The following NEGR1 variants were observed in gnomAD, a reference collection of about 807,000 sequenced individuals.
NEGR1 encodes neuronal growth regulator 1.
NEGR1 carries 10 observed loss-of-function variants against 40.9 expected under a neutral mutation model. That is an observed-to-expected ratio of 0.24 (90% CI 0.15 to 0.42). The LOEUF is 0.42. Ranked by LOEUF, NEGR1 falls within the 10% of genes least tolerant of loss-of-function variation. The pLI is 1.00. For synonymous variants in NEGR1, 185 were observed against 166.8 expected (o/e 1.11, Z -0.84); for missense variants, 352 against 438.9 (o/e 0.80, Z 1.77).
At chr1:72,070,918 T>G (rs1438614971) in intron 1 of NEGR1, among the ~76,000 whole-genome samples, 1 of 152,084 alleles carries the variant, frequency 6.6e-6, no homozygotes, top group South Asian at 2.1e-4. Flanking sequence ...TTAGAATGTT[T>G]TTTTCATTTT....
intron 1 of NEGR1, among the ~76,000 whole-genome samples, chr1:72,039,819 A>G (rs1410081528): frequency 6.6e-6 from 1 of 152,018 alleles, no homozygotes; most frequent in Non-Finnish European, 1.5e-5. Flanking sequence ...TTTCATGATC[A>G]GAGGGGTCTA....
intron 1 of NEGR1, among the ~76,000 whole-genome samples, chr1:72,129,156 A>G (rs1339071772): frequency 2.6e-5 from 4 of 152,142 alleles, no homozygotes. Context: ...TCCTTATAAT[A>G]AAGGTATTTA....
At chr1:71,578,855 A>C (rs528825032) in intron 6 of NEGR1, among the ~76,000 whole-genome samples, 14 of 152,318 alleles carry the variant, frequency 9.2e-5, no homozygotes, top group Non-Finnish European at 1.3e-4. Context: ...CTATTTCTTT[A>C]AGAAAAAATT....
chr1:71,581,119 G>A (rs1649121038), intron 6 of NEGR1, among the ~76,000 whole-genome samples: 3 of 152,184 alleles, frequency 2.0e-5, no homozygotes, highest in Non-Finnish European at 2.9e-5. Context: ...GCATCCCTGT[G>A]TCTGTATTGT....
At chr1:71,912,878 A>T (rs1661458839) in intron 2 of NEGR1, among the ~76,000 whole-genome samples, 2 of 152,112 alleles carry the variant, frequency 1.3e-5, no homozygotes, top group South Asian at 4.1e-4. Context: ...TCCTATTTGA[A>T]CATTTTCATG....
chr1:71,880,013 AT>A (rs915378510), intron 2 of NEGR1, among the ~76,000 whole-genome samples: 1 of 152,132 alleles, frequency 6.6e-6, no homozygotes, highest in African/African-American at 2.4e-5. Flanking sequence ...TAACCTTAGT[AT>A]TTCTTGTCAT....
intron 5 of NEGR1, among the ~76,000 whole-genome samples, chr1:71,607,705 A>G (rs146968899): frequency 2.0e-5 from 3 of 151,770 alleles, no homozygotes; most frequent in South Asian, 2.1e-4. Flanking sequence ...TTCATTTTTT[A>G]TTTTGTTGAG....
intron 1 of NEGR1, among the ~76,000 whole-genome samples, chr1:72,011,242 G>A (rs936478568): frequency 6.6e-6 from 1 of 151,998 alleles, no homozygotes; most frequent in African/African-American, 2.4e-5. Flanking sequence ...GGATATTAGT[G>A]GGCTCAGCAT....
chr1:72,088,132 C>A (rs1648298255), intron 1 of NEGR1, among the ~76,000 whole-genome samples: 1 of 152,100 alleles, frequency 6.6e-6, no homozygotes, highest in Admixed American at 6.6e-5. Flanking sequence ...TCTTTGATGG[C>A]TAATTAAATT....
At chr1:71,954,823 T>A (rs1028031910) in intron 1 of NEGR1, among the ~76,000 whole-genome samples, 1 of 152,152 alleles carries the variant, frequency 6.6e-6, no homozygotes, top group African/African-American at 2.4e-5. Context: ...TACTGCAGTC[T>A]TGTGGCTGTC....
Position 71,818,425 on chromosome 1 carries a change from G to T in NEGR1, c.410-42128C>A, listed in dbSNP as rs2169098. On this transcript the variant is annotated intron_variant, in intron 2 of 6. Coordinates refer to ENST00000357731, the MANE Select transcript of NEGR1 (RefSeq NM_173808.3). ...CCATTATCTAACTAAGCAAACTAATGCAGGAACAGAAAACCAAATACCACA... is the reference window on the plus strand; with the variant it reads ...CCATTATCTAACTAAGCAAACTAATTCAGGAACAGAAAACCAAATACCACA... Among the ~76,000 whole-genome samples the T allele has an allele frequency of 6.4e-3, 974 of 151,982 alleles. 10 individuals are homozygous for T. The highest frequency in any genetic ancestry group is 0.022 in the African/African-American group (918 of 41,490).
At chr1:71,539,650 G>T (rs868459967) in intron 6 of NEGR1, among the ~76,000 whole-genome samples, 1 of 151,608 alleles carries the variant, frequency 6.6e-6, no homozygotes, top group Non-Finnish European at 1.5e-5. Flanking sequence ...TTCATTTGAA[G>T]AAAAAGTCCA....
chr1:71,509,442 C>A (rs1466989696), intron 6 of NEGR1, among the ~76,000 whole-genome samples: 2 of 152,202 alleles, frequency 1.3e-5, no homozygotes, highest in African/African-American at 4.8e-5. Context: ...ATCCGACATG[C>A]CACTGGTGAG....
chr1:71,589,015 C>T (rs935689410), intron 6 of NEGR1, among the ~76,000 whole-genome samples: 4 of 152,032 alleles, frequency 2.6e-5, no homozygotes, highest in African/African-American at 9.7e-5. Flanking sequence ...AATTTATTAT[C>T]CATGTCTCTA....
Position 71,922,188 on chromosome 1 carries a change from G to T in NEGR1, c.409+12891C>A, listed in dbSNP as rs147255332. On this transcript the variant is annotated intron_variant, in intron 2 of 6. Coordinates refer to ENST00000357731, the MANE Select transcript of NEGR1 (RefSeq NM_173808.3). ...GATGGGCTGTCCAGCTGAACCTGGA[G>T]CCAAGGAAATAAAAGGCTTTGGAGG... Among the ~76,000 whole-genome samples, 4 of 152,314 alleles carry T rather than the reference G, an allele frequency of 2.6e-5. No homozygotes were observed. In the East Asian group the frequency reaches 7.7e-4, roughly 29 times the overall value.
At chr1:71,777,000 G>A (rs978516583) in intron 2 of NEGR1, among the ~76,000 whole-genome samples, 3 of 152,078 alleles carry the variant, frequency 2.0e-5, no homozygotes, top group African/African-American at 7.2e-5. Context: ...AAGAGTCAAG[G>A]GGGATATATT....
At chr1:72,225,339 G>A (rs1403124377) in intron 1 of NEGR1, among the ~76,000 whole-genome samples, 3 of 150,880 alleles carry the variant, frequency 2.0e-5, no homozygotes, top group South Asian at 2.1e-4. Context: ...GTAAGATCAT[G>A]GTATATCTTT....
intron 3 of NEGR1, among the ~76,000 whole-genome samples, chr1:71,714,729 G>T (rs1261160988): frequency 6.6e-6 from 1 of 152,218 alleles, no homozygotes; most frequent in East Asian, 1.9e-4. Context: ...TAATGCAAAT[G>T]AGAAGCTCCC....
In NEGR1 at chr1:71,613,418, G is replaced by A. The variant is rs570883063; in HGVS notation, c.668-2272C>T. 8.6e-5 allele frequency among the ~76,000 whole-genome samples: 13 copies of A among 152,008 alleles called. 1 individual carries two copies. The East Asian group carries it at 2.3e-3, about 27-fold the overall frequency. ...TCCCAGCACTTTGGGAGGCCGAGGCGGGTGGATCACCTGAGGTCAGGAGTT... is the reference window on the plus strand; with the variant it reads ...TCCCAGCACTTTGGGAGGCCGAGGCAGGTGGATCACCTGAGGTCAGGAGTT... On this transcript the variant is annotated intron_variant, in intron 4 of 6. Coordinates refer to ENST00000357731, the MANE Select transcript of NEGR1 (RefSeq NM_173808.3).
Sources: gnomAD v4.1 joint callset for allele counts (sites outside exome capture counted in the v4.1 genomes callset) on GRCh38, gnomAD v4.1.1 for gene constraint, MANE v1.5 for transcripts, NCBI Gene and HGNC (gene_info 2026-07-23, HGNC 2026-07-21) for gene names.